SLIT2: variants seen among roughly 807,000 people sequenced by gnomAD.
SLIT2 encodes the protein slit homolog 2 protein.
Under a neutral mutation model 185.7 loss-of-function variants are expected in SLIT2, and 41 were observed. The observed-to-expected ratio is 0.22, with a 90% CI of 0.17 to 0.29. The LOEUF is 0.29. Ranked by LOEUF, SLIT2 falls within the 10% of genes least tolerant of loss-of-function variation. SLIT2 has a pLI of 1.00. For synonymous variants in SLIT2, 693 were observed against 680.2 expected (o/e 1.02, Z -0.29); for missense variants, 1,571 against 1,909.0 (o/e 0.82, Z 3.30).
intron 4 of SLIT2, among the ~76,000 whole-genome samples, chr4:20,368,219 C>CAAAAAAAAAAAA (rs71653879): frequency 2.1e-3 from 230 of 107,292 alleles, no homozygotes; most frequent in Middle Eastern, 5.9e-3. Flanking sequence ...CACAAAATAG[C>CAAAAAAAAAAAA]AAAAAAAAAA....
intron 4 of SLIT2, among the ~76,000 whole-genome samples, chr4:20,281,982 G>T (rs919389225): frequency 1.3e-5 from 2 of 152,194 alleles, no homozygotes; most frequent in Non-Finnish European, 2.9e-5. Flanking sequence ...AGCATGGCAT[G>T]CAGGAATAAC....
rs749572709 is a variant in SLIT2, at chr4:20,609,998, T to C, written c.3693-15T>C. 1 of 1,582,898 alleles carries C rather than the reference T, an allele frequency of 6.3e-7. No individual in the cohort carries two copies. The highest frequency in any genetic ancestry group is 8.6e-7 in the Non-Finnish European group (1 of 1,167,240). On this transcript the variant is annotated splice_polypyrimidine_tract_variant and intron_variant, in intron 33 of 36. Transcript: ENST00000504154. ...AAGAAAATGGAAGAATCAGCCATTT[T>C]TTTTTCCGTTGTAGTGTGGAGACAA...
intron 4 of SLIT2, among the ~76,000 whole-genome samples, chr4:20,269,832 T>G (rs1305981950): frequency 2.6e-5 from 4 of 151,814 alleles, no homozygotes; most frequent in African/African-American, 9.7e-5. Flanking sequence ...ATTCCAGAAG[T>G]AGGAGGACTG....
chr4:20,485,529 C>T (rs752736000), intron 6 of SLIT2, among the ~76,000 whole-genome samples: 22 of 152,258 alleles, frequency 1.4e-4, no homozygotes, highest in Non-Finnish European at 2.9e-4. Context: ...GAAAGCATGA[C>T]TGCTGCCACA....
intron 5 of SLIT2, among the ~76,000 whole-genome samples, chr4:20,472,565 T>TATATAG (rs1715573325): frequency 1.5e-4 from 1 of 6,500 alleles, no homozygotes. Flanking sequence ...GATATATATC[T>TATATAG]ATATATAGAT....
At chr4:20,397,312 C>A (rs936824851) in intron 4 of SLIT2, among the ~76,000 whole-genome samples, 9 of 151,760 alleles carry the variant, frequency 5.9e-5, no homozygotes, top group African/African-American at 2.2e-4. Context: ...GTGAGGATAA[C>A]AGTATTTGTC....
At chr4:20,417,771 G>C (rs1400818269) in intron 4 of SLIT2, among the ~76,000 whole-genome samples, 1 of 151,722 alleles carries the variant, frequency 6.6e-6, no homozygotes, top group African/African-American at 2.4e-5. Context: ...GCCCGCCTCA[G>C]CCTCCCAAAG....
chr4:20,372,846 C>T (rs917239452), intron 4 of SLIT2, among the ~76,000 whole-genome samples: 1 of 152,020 alleles, frequency 6.6e-6, no homozygotes, highest in Non-Finnish European at 1.5e-5. Context: ...TCTCTTTTTA[C>T]ACACCATTTT....
chr4:20,589,959 G>T (rs2148948970), intron 30 of SLIT2, among the ~76,000 whole-genome samples: 1 of 139,506 alleles, frequency 7.2e-6, no homozygotes, highest in East Asian at 2.2e-4. Flanking sequence ...CAGCTGGAGT[G>T]CAGTGGCACG....
At chr4:20,299,821 A>G (rs1716877353) in intron 4 of SLIT2, among the ~76,000 whole-genome samples, 1 of 151,974 alleles carries the variant, frequency 6.6e-6, no homozygotes, top group Non-Finnish European at 1.5e-5. Context: ...TTGGCTGTCC[A>G]TAGGGCTCCG....
chr4:20,594,159 A>ATG (rs1158226479), intron 30 of SLIT2, among the ~76,000 whole-genome samples: 1 of 148,960 alleles, frequency 6.7e-6, no homozygotes, highest in Non-Finnish European at 1.5e-5. Context: ...ATACATATGT[A>ATG]TGTGTGTATA....
intron 9 of SLIT2, among the ~76,000 whole-genome samples, chr4:20,498,447 A>G (rs1718428601): frequency 1.3e-5 from 2 of 152,246 alleles, no homozygotes; most frequent in African/African-American, 4.8e-5. Context: ...GATTCTGACT[A>G]TCAAATCTTA....
intron 26 of SLIT2, among the ~76,000 whole-genome samples, chr4:20,562,481 A>G (rs1177747704): frequency 1.3e-5 from 2 of 151,844 alleles, no homozygotes; most frequent in South Asian, 2.1e-4. Context: ...GAAACTTGAA[A>G]CACATATTCT....
intron 4 of SLIT2, among the ~76,000 whole-genome samples, chr4:20,327,051 C>T (rs561659393): frequency 2.0e-5 from 3 of 151,914 alleles, no homozygotes; most frequent in Non-Finnish European, 2.9e-5. Context: ...GCATCCCAAA[C>T]AGTAGGTTTC....
intron 4 of SLIT2, among the ~76,000 whole-genome samples, chr4:20,298,938 A>T (rs1716775561): frequency 6.6e-6 from 1 of 152,194 alleles, no homozygotes; most frequent in South Asian, 2.1e-4. Flanking sequence ...TGGGGATTGT[A>T]ATTTATTGCA....
At chr4:20,592,123 C>A (rs9992591) in intron 30 of SLIT2, among the ~76,000 whole-genome samples, 110,328 of 152,048 alleles carry the variant, frequency 0.73, 40,525 homozygotes, top group East Asian at 0.9. Context: ...AAATCAAATT[C>A]TGTGAAGCTG....
intron 4 of SLIT2, among the ~76,000 whole-genome samples, chr4:20,377,036 A>G (rs546272973): frequency 2.6e-5 from 4 of 152,250 alleles, no homozygotes; most frequent in African/African-American, 9.6e-5. Flanking sequence ...AAAAAGTAAA[A>G]AAAATAAAAA....
In SLIT2 at chr4:20,369,855, A is replaced by G. The variant is rs533702916; in HGVS notation, c.396-97897A>G. On this transcript the variant is annotated intron_variant, in intron 4 of 36. Coordinates refer to ENST00000504154, the MANE Select transcript of SLIT2 (RefSeq NM_004787.4). ...CCACCCTCTTGCCTGAAGGTCTTTGATATCTTCTTAGAGACTCATGTATCA... is the reference window on the plus strand; with the variant it reads ...CCACCCTCTTGCCTGAAGGTCTTTGGTATCTTCTTAGAGACTCATGTATCA... Among the ~76,000 whole-genome samples the G allele has an allele frequency of 9.4e-4, 143 of 152,124 alleles. 1 individual carries two copies. Among genetic ancestry groups the G allele is most frequent in the African/African-American group, 3.0e-3 (126 of 41,528 alleles).
intron 7 of SLIT2, among the ~76,000 whole-genome samples, chr4:20,488,308 A>T (rs1164604268): frequency 6.6e-6 from 1 of 152,196 alleles, no homozygotes; most frequent in Non-Finnish European, 1.5e-5. Context: ...GTGTGAAAAA[A>T]GTGTTTTATA....
Sources: gnomAD v4.1 joint callset for allele counts (sites outside exome capture counted in the v4.1 genomes callset) on GRCh38, gnomAD v4.1.1 for gene constraint, MANE v1.5 for transcripts, NCBI Gene and HGNC (gene_info 2026-07-23, HGNC 2026-07-21) for gene names.